The following PLCD3 variants were observed in gnomAD, a reference collection of about 807,000 sequenced individuals.
PLCD3 encodes phospholipase C delta 3.
PLCD3 carries 62 observed loss-of-function variants against 82.8 expected under a neutral mutation model. The observed-to-expected ratio is 0.75, with a 90% CI of 0.61 to 0.93. The LOEUF (loss-of-function observed/expected upper bound fraction) is 0.93, where lower values mean the gene tolerates loss of function less well. Among genes scored for constraint, PLCD3 ranks in the 40% least tolerant of loss-of-function variants. The pLI, the probability that PLCD3 is intolerant of heterozygous loss-of-function variation, is 0.00. For missense variants in PLCD3, 1,023 were observed against 1,103.4 expected (o/e 0.93, Z 1.03); for synonymous variants, 478 against 471.8 (o/e 1.01, Z -0.17).
chr17:45,132,229 C>A lies in PLCD3; in HGVS notation c.163+19G>T. 1.6e-6 allele frequency: 2 copies of A among 1,262,918 alleles called. No homozygotes were observed. The highest frequency in any genetic ancestry group is 3.0e-5 in the East Asian group (1 of 33,464). The allele number at this position is 1,262,918 out of a possible 1,614,324, so 78.2% of individuals were successfully genotyped here. A position where few individuals can be genotyped will look rare whatever the true frequency, so the allele number is the denominator to read the frequency against. On this transcript the variant is annotated intron_variant, in intron 1 of 14. Transcript: ENST00000619929. This position sits in a 1 kb window ranked among gnomAD's most constrained non-coding sequence, Gnocchi z 4.6. ...GGAACGGTCCGCGCCCACCCCACCG[C>A]CCCTTGCCCGTCACTGACCCATCTT...
chr17:45,113,175 T>C lies in PLCD3; in HGVS notation c.2078A>G (p.His693Arg). Reference sequence around the variant, plus strand: ...CCGGGCACAGTCTGCGGGCACCCCATGGATCTCAATGCGCACCAGGGGGTC... The same window carrying C: ...CCGGGCACAGTCTGCGGGCACCCCACGGATCTCAATGCGCACCAGGGGGTC... ...IVDPLVRIEI[H>R]GVPADCARQE... Residue 693 changes from histidine to arginine, a missense_variant, in exon 13 of 15, where the codon CAT becomes CGT. Physicochemically the swap from His to Arg is conservative, Grantham distance 29. Coordinates refer to ENST00000619929, the MANE Select transcript of PLCD3 (RefSeq NM_133373.5). 1.2e-6 allele frequency: 2 copies of C among 1,612,816 alleles called. No homozygotes were observed. Among genetic ancestry groups the C allele is most frequent in the South Asian group, 1.1e-5 (1 of 90,736 alleles).
chr17:45,112,597 A>G lies in PLCD3; in HGVS notation c.*19T>C. The G allele has an allele frequency of 6.3e-7, 1 of 1,580,584 alleles. No individual in the cohort carries two copies. The highest frequency in any genetic ancestry group is 1.2e-5 in the South Asian group (1 of 86,178). ...GTGGACTGGCACTCGCAGAACCCCAAGGCGAGTGAGGTGGGCCCTCAGGAG... is the reference window on the plus strand; with the variant it reads ...GTGGACTGGCACTCGCAGAACCCCAGGGCGAGTGAGGTGGGCCCTCAGGAG... On this transcript the variant is annotated 3_prime_UTR_variant, in exon 15 of 15. Coordinates refer to ENST00000619929, the MANE Select transcript of PLCD3 (RefSeq NM_133373.5).
chr17:45,132,511 C>A lies in PLCD3; in HGVS notation c.-101G>T, dbSNP rs191168114. On this transcript the variant is annotated 5_prime_UTR_variant, in exon 1 of 15. Transcript: ENST00000619929. This position sits in a 1 kb window ranked among gnomAD's most constrained non-coding sequence, Gnocchi z 4.6. ...CCCCGGCTCTGAGCGAGGCGGCGAG[C>A]GAAGAAACTTAGCGGCGCGGGAGGG... 9.5e-3 allele frequency: 6,160 copies of A among 649,260 alleles called. 97 individuals are homozygous for A. Among genetic ancestry groups the A allele is most frequent in the Admixed American group, 0.047 (858 of 18,100 alleles). The allele number at this position is 649,260 out of a possible 1,614,324, so 40.2% of individuals were successfully genotyped here.
At chr17:45,131,473 G>A (rs2054445291) in intron 1 of PLCD3, among the ~76,000 whole-genome samples, 1 of 152,232 alleles carries the variant, frequency 6.6e-6, no homozygotes, top group Admixed American at 6.5e-5. Context: ...GGCCCATGTG[G>A]TGGGGCACCA....
In PLCD3 at chr17:45,112,489, G is replaced by T; in HGVS notation, c.*127C>A. The T allele has an allele frequency of 2.9e-6, 3 of 1,048,678 alleles. No homozygotes were observed. Among genetic ancestry groups the T allele is most frequent in the Non-Finnish European group, 4.2e-6 (3 of 707,224 alleles). The allele number at this position is 1,048,678 out of a possible 1,614,324, so 65.0% of individuals were successfully genotyped here. On this transcript the variant is annotated 3_prime_UTR_variant, in exon 15 of 15. Coordinates refer to ENST00000619929, the MANE Select transcript of PLCD3 (RefSeq NM_133373.5). ...AGGTGAGACCAGCGCCTGGTGAATG[G>T]GCTGAGTGGGCCAAGTGGGTGGGCT...
At position 45,132,438 on chromosome 17, in the gene PLCD3, C is replaced by G; in HGVS notation, c.-28G>C. 1.7e-6 allele frequency: 2 copies of G among 1,187,604 alleles called. No homozygotes were observed. The highest frequency in any genetic ancestry group is 4.5e-5 in the Admixed American group (1 of 22,300). The allele number at this position is 1,187,604 out of a possible 1,614,324, so 73.6% of individuals were successfully genotyped here. A position where few individuals can be genotyped will look rare whatever the true frequency, so the allele number is the denominator to read the frequency against. On this transcript the variant is annotated 5_prime_UTR_variant, in exon 1 of 15. Coordinates refer to ENST00000619929, the MANE Select transcript of PLCD3 (RefSeq NM_133373.5). The surrounding 1 kb of genome is among the most constrained non-coding windows in gnomAD (Gnocchi z 4.6). ...CTTGGCGGGGGGCCGGGGCCGGGCC[C>G]GGGGTCTGCACGCGGGGACAGGGCA...
At position 45,112,876 on chromosome 17, in the gene PLCD3, G is replaced by T; in HGVS notation, c.2268C>A (p.Ser756Arg). ...GCCTCCACCAACCTTGCTTTAGGCT[G>T]CTAAGAGGCAGTGTAAACTGGCCCA... ...DFVGQFTLPLSSLKQGYRHIH... is the reference protein window; with the variant it reads ...DFVGQFTLPLRSLKQGYRHIH... Residue 756 changes from serine to arginine, a missense_variant, in exon 14 of 15, where the codon AGC (serine) becomes AGA (arginine). Ser to Arg is a moderately radical substitution (Grantham distance 110). Coordinates refer to ENST00000619929, the MANE Select transcript of PLCD3 (RefSeq NM_133373.5). 7 of 1,612,372 alleles carry T rather than the reference G, an allele frequency of 4.3e-6. No individual in the cohort carries two copies. The highest frequency in any genetic ancestry group is 5.9e-6 in the Non-Finnish European group (7 of 1,179,252).
At chr17:45,122,828 G>T (rs1012035986) in intron 1 of PLCD3, among the ~76,000 whole-genome samples, 3 of 152,150 alleles carry the variant, frequency 2.0e-5, no homozygotes, top group Non-Finnish European at 4.4e-5. Context: ...CACAACCAAA[G>T]ATTTTTGAGT....
At position 45,113,490 on chromosome 17, in the gene PLCD3, C is replaced by T. The variant is rs766051531; in HGVS notation, c.1944G>A (p.Ser648=). 2.6e-5 allele frequency: 41 copies of T among 1,593,384 alleles called. No homozygotes were observed. The Middle Eastern group carries it at 4.9e-4, about 19-fold the overall frequency. ...LKPACLRQPD[S]TFDPEYPGPP... ...GTCCTGGGTACTCGGGGTCAAAGGTCGAGTCAGGTTGCCGCAGGCAGGCAG... is the reference window on the plus strand; with the variant it reads ...GTCCTGGGTACTCGGGGTCAAAGGTTGAGTCAGGTTGCCGCAGGCAGGCAG... The change falls in exon 12 of 15, where the codon TCG becomes TCA. Residue 648 remains serine, a synonymous_variant. Coordinates refer to ENST00000619929, the MANE Select transcript of PLCD3 (RefSeq NM_133373.5).
Position 45,118,872 on chromosome 17 carries a change from C to T in PLCD3, c.856G>A (p.Gly286Ser). The T allele has an allele frequency of 6.2e-7, 1 of 1,612,172 alleles. No homozygotes were observed. Among genetic ancestry groups the T allele is most frequent in the Non-Finnish European group, 8.5e-7 (1 of 1,179,848 alleles). ...LEFLEDQGEEGATLARAQQLI... is the reference protein window; with the variant it reads ...LEFLEDQGEESATLARAQQLI... ...TGCTGGGCGCGGGCCAGTGTGGCGC[C>T]CTCCTCGCCCTGGTCCTCCAGGAAC... The change falls in exon 5 of 15, where the codon GGC (glycine) becomes AGC (serine). Residue 286 changes from glycine to serine, a missense_variant. Physicochemically the swap from Gly to Ser is moderately conservative, Grantham distance 56. Around this residue, in one of 3 missense-constraint regions of PLCD3, gnomAD observed 448 missense variants for 406.3 expected, o/e 1.10. Transcript: ENST00000619929. This position sits in a 1 kb window ranked among gnomAD's most constrained non-coding sequence, Gnocchi z 4.1.
At chr17:45,115,281 C>T (rs1268779312) in intron 9 of PLCD3, 37 bp from the exon 10 acceptor site, 6 of 1,531,542 alleles carry the variant, frequency 3.9e-6, no homozygotes, top group South Asian at 2.4e-5. Flanking sequence ...AGCTGGCCCC[C>T]GCTTCCCACA....
In PLCD3 at chr17:45,125,067, C is replaced by T. The variant is rs139080161; in HGVS notation, c.164-3695G>A. Among the ~76,000 whole-genome samples the T allele has an allele frequency of 8.7e-3, 1,316 of 151,890 alleles. 17 individuals carry two copies. Among genetic ancestry groups the T allele is most frequent in the African/African-American group, 0.029 (1,204 of 41,458 alleles). On this transcript the variant is annotated intron_variant, in intron 1 of 14. Coordinates refer to ENST00000619929, the MANE Select transcript of PLCD3 (RefSeq NM_133373.5). ...ATTAGCTGGGCATGGTGGCTCACAC[C>T]TGTAATCCCAGTACTTTGGAAGGCC... is the stretch of plus-strand genomic sequence containing the variant.
rs17684944 is a variant in PLCD3 at position 45,109,773 on chromosome 17, T to C, written c.*2843A>G. On this transcript the variant is annotated 3_prime_UTR_variant, in exon 15 of 15. Coordinates refer to ENST00000619929, the MANE Select transcript of PLCD3 (RefSeq NM_133373.5). Reference sequence around the variant, plus strand: ...TGTGTTGTTTCTACCCATGGGCCTCTGGGATAAAAAGCTGTGATTTCAGGC... The same window carrying C: ...TGTGTTGTTTCTACCCATGGGCCTCCGGGATAAAAAGCTGTGATTTCAGGC... The C allele has an allele frequency of 0.58, 88,230 of 152,310 alleles. 26,047 individuals carry two copies. The highest frequency in any genetic ancestry group is 0.9 in the East Asian group (4,638 of 5,178). The allele number at this position is 152,310 out of a possible 1,614,324, so 9.4% of individuals were successfully genotyped here. A position where few individuals can be genotyped will look rare whatever the true frequency, so the allele number is the denominator to read the frequency against.
intron 4 of PLCD3, 185 bp from the exon 5 acceptor site, chr17:45,119,228 G>GT (rs2054318158): frequency 3.3e-6 from 2 of 606,740 alleles, no homozygotes; most frequent in African/African-American, 3.7e-5. Context: ...TTTTTGGTTT[G>GT]TTTTTTAGGT....
At chr17:45,119,237 G>A (rs1400682825) in intron 4 of PLCD3, 194 bp from the exon 5 acceptor site, 2 of 583,790 alleles carry the variant, frequency 3.4e-6, no homozygotes, top group African/African-American at 4.2e-5. Context: ...TGTTTTTTAG[G>A]TTTGTTTGTT....
chr17:45,126,190 C>A (rs1250609466), intron 1 of PLCD3, among the ~76,000 whole-genome samples: 1 of 151,200 alleles, frequency 6.6e-6, no homozygotes, highest in Non-Finnish European at 1.5e-5. Flanking sequence ...ACTGCAGGTG[C>A]CCGCCACCAC....
At chr17:45,125,966 C>T (rs1009842905) in intron 1 of PLCD3, among the ~76,000 whole-genome samples, 1 of 151,882 alleles carries the variant, frequency 6.6e-6, no homozygotes, top group South Asian at 2.1e-4. Context: ...TGCACAACAG[C>T]GTGAATGTAA....
chr17:45,113,689 C>T, intron 11 of PLCD3, 84 bp from the exon 12 acceptor site: 1 of 1,478,386 alleles, frequency 6.8e-7, no homozygotes, highest in South Asian at 1.3e-5. Flanking sequence ...TTCCTCTCTA[C>T]AAAGGGCCTG....
At position 45,118,792 on chromosome 17, in the gene PLCD3, C is replaced by A; in HGVS notation, c.913+23G>T. The A allele has an allele frequency of 6.3e-7, 1 of 1,588,684 alleles. No homozygotes were observed. The highest frequency in any genetic ancestry group is 1.7e-5 in the Admixed American group (1 of 58,746). On this transcript the variant is annotated intron_variant, in intron 5 of 14. Transcript: ENST00000619929. The surrounding 1 kb of genome is among the most constrained non-coding windows in gnomAD (Gnocchi z 4.1). ...AACACAGCCCTTTCAGGTGCCACGA[C>A]CTGGCCGTGCCACCCCCCCCACCTG... is the stretch of plus-strand genomic sequence containing the variant.
Sources: gnomAD v4.1 joint callset for allele counts (sites outside exome capture counted in the v4.1 genomes callset) on GRCh38, gnomAD v4.1.1 for gene constraint, gnomAD v4.1.1 regional missense constraint, Gnocchi (gnomAD v3.1) non-coding constraint, MANE v1.5 for transcripts, NCBI Gene and HGNC (gene_info 2026-07-23, HGNC 2026-07-21) for gene names.